WDPCP: variants seen among roughly 807,000 people sequenced by gnomAD.
The protein encoded by WDPCP is WD repeat-containing and planar cell polarity effector protein fritz homolog.
WDPCP carries 71 observed loss-of-function variants against 93.1 expected under a neutral mutation model. The ratio of observed to expected loss-of-function variants is 0.76; its 90% CI spans 0.63 to 0.93. The LOEUF (loss-of-function observed/expected upper bound fraction) is 0.93. Ranked by LOEUF, WDPCP falls within the 40% of genes least tolerant of loss-of-function variation. WDPCP has a pLI of 0.00. For missense variants in WDPCP, 844 were observed against 887.4 expected (o/e 0.95, Z 0.62); for synonymous variants, 315 against 315.0 (o/e 1.00, Z 0.00).
intron 1 of WDPCP, among the ~76,000 whole-genome samples, chr2:63,544,254 T>G (rs555344902): frequency 5.6e-4 from 86 of 152,240 alleles, no homozygotes; most frequent in African/African-American, 2.0e-3. Context: ...TTTAATAAAG[T>G]TCTCAGCATT....
intron 1 of WDPCP, among the ~76,000 whole-genome samples, chr2:63,544,223 T>C (rs958002764): frequency 2.6e-5 from 4 of 152,088 alleles, no homozygotes; most frequent in Admixed American, 2.6e-4. Flanking sequence ...CCACCTAGTG[T>C]TTACTCAGTA....
At chr2:63,670,935 GC>G (rs1710338713) in intron 2 of WDPCP, among the ~76,000 whole-genome samples, 1 of 152,184 alleles carries the variant, frequency 6.6e-6, no homozygotes, top group African/African-American at 2.4e-5. Context: ...AAAAAGTTCA[GC>G]TTTTGGAGAA....
chr2:63,242,930 A>C (rs1679974484), intron 14 of WDPCP, among the ~76,000 whole-genome samples: 2 of 152,218 alleles, frequency 1.3e-5, no homozygotes, highest in African/African-American at 4.8e-5. Context: ...TAGAGATGAC[A>C]AAGTAACACA....
At chr2:63,158,638 C>T (rs1161785264) in intron 15 of WDPCP, among the ~76,000 whole-genome samples, 1 of 152,102 alleles carries the variant, frequency 6.6e-6, no homozygotes, top group Non-Finnish European at 1.5e-5. Flanking sequence ...TTCAGCATTG[C>T]ATTCTTTATC....
At chr2:63,653,595 A>T (rs1323792121) in intron 2 of WDPCP, among the ~76,000 whole-genome samples, 1 of 152,174 alleles carries the variant, frequency 6.6e-6, no homozygotes, top group Non-Finnish European at 1.5e-5. Context: ...AGCAATGTAA[A>T]ATTTAAGTCC....
intron 2 of WDPCP, among the ~76,000 whole-genome samples, chr2:63,754,653 G>A (rs1669934438): frequency 6.6e-6 from 1 of 152,108 alleles, no homozygotes; most frequent in Non-Finnish European, 1.5e-5. Flanking sequence ...GTTGATGTGG[G>A]GAGTGGAGAA....
rs1262217012 is a variant in WDPCP at position 63,797,737 on chromosome 2, G to C, written n.308+15885C>G. Among the ~76,000 whole-genome samples, 3 of 152,060 alleles carry C rather than the reference G, an allele frequency of 2.0e-5. No individual in the cohort carries two copies. The East Asian group carries it at 5.8e-4, about 29-fold the overall frequency. On this transcript the variant is annotated intron_variant and non_coding_transcript_variant, in intron 2 of 4. Transcript: ENST00000467687. ...GCGTTACTGGCCTTGAAGAAATAGA[G>C]AGAGAGGTAGGAATAGAAGGTTTAC... is the stretch of plus-strand genomic sequence containing the variant.
intron 15 of WDPCP, among the ~76,000 whole-genome samples, chr2:63,167,932 T>G (rs147822755): frequency 6.6e-6 from 1 of 151,966 alleles, no homozygotes; most frequent in Admixed American, 6.6e-5. Flanking sequence ...CTGGGCAACA[T>G]GGCAAAACGC....
intron 1 of WDPCP, among the ~76,000 whole-genome samples, chr2:63,496,070 C>A (rs1311433669): frequency 6.6e-6 from 1 of 152,124 alleles, no homozygotes; most frequent in East Asian, 1.9e-4. Flanking sequence ...AAATAAAAAT[C>A]ATATTCTTCA....
chr2:63,622,902 CG>C, intron 3 of WDPCP: 1 of 1,287,768 alleles, frequency 7.8e-7, no homozygotes, highest in Non-Finnish European at 1.1e-6. Context: ...ACGCGGGGGC[CG>C]GGCCAGGCCG....
intron 2 of WDPCP, among the ~76,000 whole-genome samples, chr2:63,723,832 GA>G (rs1436437616): frequency 1.3e-5 from 2 of 151,994 alleles, no homozygotes; most frequent in Non-Finnish European, 2.9e-5. Flanking sequence ...AAAAGGAGAA[GA>G]AAAATTTCCC....
At chr2:63,209,811 T>C (rs1028225553) in intron 14 of WDPCP, among the ~76,000 whole-genome samples, 3 of 152,318 alleles carry the variant, frequency 2.0e-5, no homozygotes, top group African/African-American at 7.2e-5. Flanking sequence ...AATTGAATAA[T>C]ATAGCTATAA....
chr2:63,473,353 C>T (rs1184884757), intron 6 of WDPCP, among the ~76,000 whole-genome samples: 1 of 152,072 alleles, frequency 6.6e-6, no homozygotes, highest in African/African-American at 2.4e-5. Flanking sequence ...TCAGTCTAGC[C>T]ACCTCATGTT....
At chr2:63,303,584 G>A (rs114882591) in intron 13 of WDPCP, among the ~76,000 whole-genome samples, 2,535 of 152,244 alleles carry the variant, frequency 0.017, 78 homozygotes, top group African/African-American at 0.058. Context: ...TCAGTATAAT[G>A]GAAAACACAT....
chr2:63,591,358 C>T (rs1194829859), upstream of WDPCP, among the ~76,000 whole-genome samples: 2 of 152,196 alleles, frequency 1.3e-5, no homozygotes, highest in Admixed American at 6.5e-5. Context: ...CACTAAGCCT[C>T]ATACTACCAT....
chr2:63,781,557 A>G (rs1489446705), intron 2 of WDPCP, among the ~76,000 whole-genome samples: 1 of 152,222 alleles, frequency 6.6e-6, no homozygotes, highest in Non-Finnish European at 1.5e-5. Flanking sequence ...ATTCTAGGAA[A>G]ACAGACATAA....
intron 15 of WDPCP, among the ~76,000 whole-genome samples, chr2:63,165,625 T>A (rs1394444705): frequency 1.3e-5 from 2 of 151,652 alleles, no homozygotes; most frequent in East Asian, 3.9e-4. Context: ...ATTTCTTTTA[T>A]GAAAATTGGT....
chr2:63,779,215 A>C (rs956860928), intron 2 of WDPCP, among the ~76,000 whole-genome samples: 1 of 152,218 alleles, frequency 6.6e-6, no homozygotes. Context: ...TGGGATAAAC[A>C]AGCATCCTCT....
At chr2:63,410,823 T>C (rs1439950561) in intron 9 of WDPCP, among the ~76,000 whole-genome samples, 1 of 152,150 alleles carries the variant, frequency 6.6e-6, no homozygotes, top group African/African-American at 2.4e-5. Flanking sequence ...GTAAAAGACC[T>C]TGCCCAACAG....
Sources: allele counts gnomAD v4.1 joint callset (sites outside exome capture counted in the v4.1 genomes callset), GRCh38; gene constraint gnomAD v4.1.1; transcripts MANE v1.5; gene names NCBI Gene and HGNC (gene_info 2026-07-23, HGNC 2026-07-21).